Variants in CCSER1 observed in about 807,000 individuals in gnomAD.
CCSER1 encodes coiled-coil serine rich protein 1.
In CCSER1, 41 loss-of-function variants were observed where a neutral mutation model predicts 82.0. The observed-to-expected ratio is 0.50, with a 90% CI of 0.39 to 0.65. The LOEUF (loss-of-function observed/expected upper bound fraction) is 0.65. Among genes scored for constraint, CCSER1 ranks in the 30% least tolerant of loss-of-function variants. The pLI, the probability that CCSER1 is intolerant of heterozygous loss-of-function variation, is 0.00. For synonymous variants in CCSER1, 414 were observed against 383.9 expected (o/e 1.08, Z -0.92); for missense variants, 1,119 against 1,064.2 (o/e 1.05, Z -0.72).
At chr4:91,151,201 G>T (rs1466191866) in intron 10 of CCSER1, among the ~76,000 whole-genome samples, 1 of 151,788 alleles carries the variant, frequency 6.6e-6, no homozygotes, top group Non-Finnish European at 1.5e-5. Flanking sequence ...GTCTTGGGAG[G>T]GTGCATTTGT....
At chr4:91,544,382 A>T (rs1029290169) in intron 10 of CCSER1, among the ~76,000 whole-genome samples, 4 of 152,094 alleles carry the variant, frequency 2.6e-5, no homozygotes, top group African/African-American at 9.7e-5. Context: ...AAGAGAAGAG[A>T]TGCTCTGATT....
chr4:91,014,666 G>A (rs1250302850), intron 9 of CCSER1, among the ~76,000 whole-genome samples: 1 of 82,394 alleles, frequency 1.2e-5, no homozygotes, highest in African/African-American at 2.9e-5. Flanking sequence ...TTTTGACAAA[G>A]TCTAAGCAAA....
intron 5 of CCSER1, among the ~76,000 whole-genome samples, chr4:90,501,952 A>C (rs971057304): frequency 2.0e-5 from 3 of 152,190 alleles, no homozygotes; most frequent in African/African-American, 7.2e-5. Flanking sequence ...TGTAATAATT[A>C]CATTTTTATC....
At chr4:90,149,684 CT>C (rs1482947087) in intron 1 of CCSER1, among the ~76,000 whole-genome samples, 5 of 152,076 alleles carry the variant, frequency 3.3e-5, no homozygotes, top group Non-Finnish European at 7.4e-5. Flanking sequence ...AACCATGATA[CT>C]TCTTTAGGTA....
chr4:90,855,149 C>T (rs1009460616), intron 8 of CCSER1, among the ~76,000 whole-genome samples: 5 of 152,142 alleles, frequency 3.3e-5, no homozygotes, highest in African/African-American at 1.2e-4. Flanking sequence ...TTGGAAATTA[C>T]AATTCAACAT....
At chr4:90,769,573 C>G (rs890986063) in intron 7 of CCSER1, among the ~76,000 whole-genome samples, 4 of 152,156 alleles carry the variant, frequency 2.6e-5, no homozygotes, top group East Asian at 1.9e-4. Flanking sequence ...GCCATTCCCC[C>G]CTTTCTGAAC....
chr4:91,252,084 A>G (rs1406315), intron 10 of CCSER1, among the ~76,000 whole-genome samples: 34,810 of 152,098 alleles, frequency 0.23, 4,703 homozygotes, highest in African/African-American at 0.36. Context: ...TCAAGAGAAA[A>G]GCAATTTATT....
chr4:91,570,492 G>T (rs545750325), intron 10 of CCSER1, among the ~76,000 whole-genome samples: 1 of 152,312 alleles, frequency 6.6e-6, no homozygotes, highest in Admixed American at 6.5e-5. Context: ...CTAGGTGGAG[G>T]TTCCCAAACC....
At chr4:90,234,458 C>T (rs944481092) in intron 1 of CCSER1, among the ~76,000 whole-genome samples, 1 of 152,162 alleles carries the variant, frequency 6.6e-6, no homozygotes, top group Admixed American at 6.5e-5. Flanking sequence ...CTCAGATGAT[C>T]CGCCCGCCTT....
chr4:90,348,216 G>A (rs1197540761), intron 3 of CCSER1, among the ~76,000 whole-genome samples: 1 of 151,818 alleles, frequency 6.6e-6, no homozygotes, highest in Non-Finnish European at 1.5e-5. Flanking sequence ...AAACCCCCAT[G>A]GTGCACGTTT....
intron 8 of CCSER1, among the ~76,000 whole-genome samples, chr4:90,909,246 C>T (rs1418185523): frequency 2.0e-5 from 3 of 152,152 alleles, no homozygotes; most frequent in African/African-American, 7.2e-5. Context: ...CAATCCTTAT[C>T]AAGTATAATC....
At chr4:90,888,228 T>C (rs996145651) in intron 8 of CCSER1, among the ~76,000 whole-genome samples, 9 of 152,210 alleles carry the variant, frequency 5.9e-5, no homozygotes, top group African/African-American at 1.7e-4. Flanking sequence ...AAAAATCAGC[T>C]CTAATGCCAG....
At chr4:91,506,466 T>G (rs2110104754) in intron 10 of CCSER1, among the ~76,000 whole-genome samples, 1 of 152,254 alleles carries the variant, frequency 6.6e-6, no homozygotes, top group Admixed American at 6.5e-5. Context: ...TAAAGGAGTT[T>G]TTTTTTCTAA....
At chr4:90,513,740 C>T (rs576063654) in intron 5 of CCSER1, among the ~76,000 whole-genome samples, 9 of 151,776 alleles carry the variant, frequency 5.9e-5, no homozygotes, top group Non-Finnish European at 1.3e-4. Flanking sequence ...GGCTTAAGAA[C>T]GGGGGAGGTA....
chr4:90,698,720 C>T (rs144758316), intron 6 of CCSER1, among the ~76,000 whole-genome samples: 14 of 152,134 alleles, frequency 9.2e-5, no homozygotes, highest in African/African-American at 3.1e-4. Context: ...GTGAATTAAC[C>T]GACAATAGAC....
intron 8 of CCSER1, among the ~76,000 whole-genome samples, chr4:90,907,338 T>C (rs373859573): frequency 6.6e-6 from 1 of 152,096 alleles, no homozygotes; most frequent in African/African-American, 2.4e-5. Context: ...ACAAATAGAA[T>C]GTATCTGTTT....
intron 1 of CCSER1, among the ~76,000 whole-genome samples, chr4:90,189,567 T>C (rs931770137): frequency 2.6e-5 from 4 of 151,904 alleles, no homozygotes; most frequent in African/African-American, 9.7e-5. Context: ...TGTATGTATA[T>C]ATACATATAT....
Position 91,603,523 on chromosome 4 carries a change from A to G in CCSER1, c.*4466A>G, listed in dbSNP as rs2110370354. The G allele has an allele frequency of 6.6e-6, 1 of 152,242 alleles. No individual in the cohort carries two copies. Among genetic ancestry groups the G allele is most frequent in the East Asian group, 1.9e-4 (1 of 5,180 alleles). 9.4% of individuals were successfully genotyped at this position (152,242 alleles called of 1,614,324 possible). On this transcript the variant is annotated 3_prime_UTR_variant, in exon 11 of 11. Coordinates refer to ENST00000509176, the MANE Select transcript of CCSER1 (RefSeq NM_001145065.2). The stretch of plus-strand genomic sequence containing the variant: ...TGAAATAAAATCATTAATAGAGAGT[A>G]GGTTCCTTCCATTTGAGTAAGTGAT...
intron 10 of CCSER1, among the ~76,000 whole-genome samples, chr4:91,523,522 T>C (rs1012066622): frequency 1.8e-4 from 28 of 152,170 alleles, no homozygotes; most frequent in African/African-American, 6.8e-4. Flanking sequence ...TTTTTGTTGG[T>C]AGGCTATTAA....
Sources: gnomAD v4.1 joint callset for allele counts (sites outside exome capture counted in the v4.1 genomes callset) on GRCh38, gnomAD v4.1.1 for gene constraint, MANE v1.5 for transcripts, NCBI Gene and HGNC (gene_info 2026-07-23, HGNC 2026-07-21) for gene names.